The following GPR176 variants were observed in gnomAD, a reference collection of about 807,000 sequenced individuals.
GPR176 encodes the protein G protein-coupled receptor 176.
A neutral mutation model predicts 35.4 loss-of-function variants in GPR176; 26 were observed. The observed-to-expected ratio is 0.74, with a 90% confidence interval of 0.54 to 1.02. The LOEUF (loss-of-function observed/expected upper bound fraction) is 1.02. Ranked by LOEUF, GPR176 falls within the 50% of genes least tolerant of loss-of-function variation. The pLI is 0.00. For missense variants in GPR176, 597 were observed against 665.3 expected (o/e 0.90, Z 1.13); for synonymous variants, 278 against 271.3 (o/e 1.02, Z -0.24).
intron 1 of GPR176, among the ~76,000 whole-genome samples, chr15:39,852,282 C>T (rs1191534578): frequency 6.6e-6 from 1 of 152,124 alleles, no homozygotes; most frequent in African/African-American, 2.4e-5. Flanking sequence ...CACTGAAAAT[C>T]TACAACAGCC....
chr15:39,801,920 T>C lies in GPR176; in HGVS notation c.760A>G (p.Ile254Val). The change falls in exon 3 of 3, where the codon ATT (isoleucine) becomes GTT (valine). Residue 254 changes from isoleucine (I) to valine (V), a missense_variant. Physicochemically the swap from Ile to Val is conservative, Grantham distance 29 (BLOSUM62 3). Around this residue, in one of 3 missense-constraint regions of GPR176, gnomAD observed 220 missense variants for 297.6 expected, o/e 0.74. Coordinates refer to ENST00000561100, the MANE Select transcript of GPR176 (RefSeq NM_007223.3). ...GCCTCCCGCTGGGAGGCATAGGGAA[T>C]AGAGATGGTGTTCTGTGGGGTCCGG... ...ALRTPQNTIS[I>V]PYASQREAEL... 6.2e-7 allele frequency: 1 copy of C among 1,613,886 alleles called. No homozygotes were observed. Among genetic ancestry groups the C allele is most frequent in the Non-Finnish European group, 8.5e-7 (1 of 1,179,926 alleles).
intron 1 of GPR176, among the ~76,000 whole-genome samples, chr15:39,858,115 G>GA (rs2031360230): frequency 6.6e-6 from 1 of 152,102 alleles, no homozygotes; most frequent in Non-Finnish European, 1.5e-5. Context: ...CTGGGAGCTG[G>GA]AAATGAGACA....
At chr15:39,807,677 G>A (rs1265773991) in intron 1 of GPR176, 5 of 697,470 alleles carry the variant, frequency 7.2e-6, no homozygotes, top group Non-Finnish European at 1.3e-5. Flanking sequence ...ATTTATGGTA[G>A]CCATGTTTTA....
chr15:39,809,972 C>T (rs1035442709), intron 1 of GPR176, among the ~76,000 whole-genome samples: 6 of 151,944 alleles, frequency 3.9e-5, no homozygotes, highest in African/African-American at 9.7e-5. Flanking sequence ...GGTGAAACCC[C>T]GTCTCTACTA....
chr15:39,817,853 C>T (rs1269909542), intron 1 of GPR176, among the ~76,000 whole-genome samples: 1 of 152,228 alleles, frequency 6.6e-6, no homozygotes, highest in Non-Finnish European at 1.5e-5. Flanking sequence ...CATTAAACAA[C>T]TGAGTTTCAT....
At chr15:39,815,011 A>G (rs1199001019) in intron 1 of GPR176, 1 of 152,242 alleles carries the variant, frequency 6.6e-6, no homozygotes, top group African/African-American at 2.4e-5. Flanking sequence ...AAATTAGTCA[A>G]TACAGTAATA....
At chr15:39,878,966 G>C (rs1249421569) in intron 1 of GPR176, among the ~76,000 whole-genome samples, 2 of 152,266 alleles carry the variant, frequency 1.3e-5, no homozygotes, top group Admixed American at 1.3e-4. Flanking sequence ...GGTAAGATGA[G>C]AGTAGGCGTT....
At chr15:39,804,461 C>G (rs568962888) in intron 2 of GPR176, among the ~76,000 whole-genome samples, 4 of 152,202 alleles carry the variant, frequency 2.6e-5, no homozygotes, top group African/African-American at 9.6e-5. Context: ...TTTACAATAG[C>G]TTTTCTGCTG....
rs115903389 is a variant in GPR176 at position 39,838,540 on chromosome 15, A to G, written c.173-31282T>C. On this transcript the variant is annotated intron_variant, in intron 1 of 2. Transcript: ENST00000561100. ...ATAAGGGTTCAATATATTCAAATCA[A>G]TAAACATAACCCAGCATATAAACAG... 1.9e-3 allele frequency among the ~76,000 whole-genome samples: 294 copies of G among 152,324 alleles called. 2 individuals are homozygous for G. The highest frequency in any genetic ancestry group is 6.8e-3 in the African/African-American group (284 of 41,588).
At chr15:39,853,119 T>C (rs185057400) in intron 1 of GPR176, among the ~76,000 whole-genome samples, 1 of 152,294 alleles carries the variant, frequency 6.6e-6, no homozygotes, top group East Asian at 1.9e-4. Flanking sequence ...TGCACACTCA[T>C]GGTCATTGCA....
At chr15:39,915,097 A>G (rs1173476722) in intron 1 of GPR176, among the ~76,000 whole-genome samples, 2 of 152,240 alleles carry the variant, frequency 1.3e-5, no homozygotes, top group Non-Finnish European at 2.9e-5. Flanking sequence ...CATCAATTTC[A>G]CATGCTCACT....
At chr15:39,862,631 G>A (rs890022699) in intron 1 of GPR176, among the ~76,000 whole-genome samples, 9 of 152,164 alleles carry the variant, frequency 5.9e-5, no homozygotes, top group Non-Finnish European at 8.8e-5. Flanking sequence ...TAGTGGTCTA[G>A]TGACATCACA....
chr15:39,858,527 G>A (rs2031391960), intron 1 of GPR176, among the ~76,000 whole-genome samples: 1 of 152,084 alleles, frequency 6.6e-6, no homozygotes, highest in African/African-American at 2.4e-5. Flanking sequence ...ACCAGCCTGG[G>A]CAACATGATG....
At chr15:39,915,526 C>T (rs1400469730) in intron 1 of GPR176, among the ~76,000 whole-genome samples, 1 of 151,838 alleles carries the variant, frequency 6.6e-6, no homozygotes, top group Non-Finnish European at 1.5e-5. Flanking sequence ...AGAATAAGAA[C>T]CATACATTTT....
intron 1 of GPR176, among the ~76,000 whole-genome samples, chr15:39,841,483 G>A (rs111270367): frequency 3.2e-4 from 49 of 152,194 alleles, no homozygotes; most frequent in African/African-American, 1.2e-3. Flanking sequence ...AGATTTGTCC[G>A]CAGAGACAGA....
chr15:39,849,709 A>G (rs1169367220), intron 1 of GPR176, among the ~76,000 whole-genome samples: 1 of 152,176 alleles, frequency 6.6e-6, no homozygotes, highest in Non-Finnish European at 1.5e-5. Context: ...TATTCATACA[A>G]AAACTCAGAA....
chr15:39,877,288 T>C (rs908757356), intron 1 of GPR176, among the ~76,000 whole-genome samples: 12 of 151,994 alleles, frequency 7.9e-5, no homozygotes, highest in African/African-American at 2.9e-4. Context: ...GGAGAATAAG[T>C]TTCTCCTCTC....
At chr15:39,820,106 GAC>G (rs1900170016) in intron 1 of GPR176, among the ~76,000 whole-genome samples, 1 of 152,188 alleles carries the variant, frequency 6.6e-6, no homozygotes, top group Non-Finnish European at 1.5e-5. Context: ...CTCTAGAGCA[GAC>G]CTCCTGTGTG....
intron 1 of GPR176, among the ~76,000 whole-genome samples, chr15:39,914,516 T>G (rs1035895434): frequency 6.6e-6 from 1 of 152,130 alleles, no homozygotes; most frequent in Non-Finnish European, 1.5e-5. Flanking sequence ...GGTTTCACCA[T>G]GTTGGCCAGG....
Sources: allele counts gnomAD v4.1 joint callset (sites outside exome capture counted in the v4.1 genomes callset), GRCh38; gene constraint gnomAD v4.1.1; regional missense constraint gnomAD v4.1.1; transcripts MANE v1.5; gene names NCBI Gene and HGNC (gene_info 2026-07-23, HGNC 2026-07-21).